The following GNB1L variants were observed in gnomAD, a reference collection of about 807,000 sequenced individuals.
The protein encoded by GNB1L is G protein subunit beta 1 like.
A neutral mutation model predicts 29.1 loss-of-function variants in GNB1L; 20 were observed. The ratio of observed to expected loss-of-function variants is 0.69; its 90% CI spans 0.48 to 1.00. The LOEUF (loss-of-function observed/expected upper bound fraction) is 1.00. Ranked by LOEUF, GNB1L falls within the 50% of genes least tolerant of loss-of-function variation. The pLI is 0.00. For missense variants in GNB1L, 421 were observed against 464.9 expected (o/e 0.91, Z 0.87); for synonymous variants, 193 against 206.5 (o/e 0.93, Z 0.56).
chr22:19,805,108 C>T (rs1409280167), intron 6 of GNB1L, among the ~76,000 whole-genome samples: 2 of 151,944 alleles, frequency 1.3e-5, no homozygotes, highest in East Asian at 2.0e-4. Context: ...CGAGTTTCAT[C>T]ATCTCAGGTG....
At chr22:19,789,774 T>C (rs867562936) in intron 7 of GNB1L, among the ~76,000 whole-genome samples, 14 of 147,940 alleles carry the variant, frequency 9.5e-5, no homozygotes, top group African/African-American at 3.0e-4. Context: ...GGATGGAGGC[T>C]GCAGTGAGCT....
At chr22:19,797,822 C>T (rs910685060) in intron 7 of GNB1L, among the ~76,000 whole-genome samples, 4 of 152,210 alleles carry the variant, frequency 2.6e-5, no homozygotes, top group African/African-American at 9.6e-5. Flanking sequence ...ACGGACTTAC[C>T]AAGGCCTGCA....
chr22:19,843,337 G>A (rs1466517977), intron 2 of GNB1L, among the ~76,000 whole-genome samples: 6 of 152,250 alleles, frequency 3.9e-5, no homozygotes, highest in South Asian at 2.1e-4. Flanking sequence ...CTTTGGAAGC[G>A]CCCAGGCGGG....
rs139412703 is a variant in GNB1L at position 19,821,822 on chromosome 22, G to C, written c.-20-447C>G. Among the ~76,000 whole-genome samples, 156 of 152,316 alleles carry C rather than the reference G, an allele frequency of 1.0e-3. 5 individuals are homozygous for C. In the East Asian group the frequency reaches 0.019, roughly 19 times the overall value. On this transcript the variant is annotated intron_variant, in intron 2 of 7. Coordinates refer to ENST00000329517, the MANE Select transcript of GNB1L (RefSeq NM_053004.3). ...GCCCTCTGGCTCCCCAGATCCCAGG[G>C]GCCACACCAGTGCTTTCCCACTCTG...
intron 2 of GNB1L, among the ~76,000 whole-genome samples, chr22:19,824,900 A>C (rs1336903798): frequency 6.6e-6 from 1 of 152,184 alleles, no homozygotes; most frequent in Non-Finnish European, 1.5e-5. Flanking sequence ...CTGGGGGTTC[A>C]TGCCAGACAG....
At chr22:19,840,450 A>G (rs1221926095) in intron 2 of GNB1L, among the ~76,000 whole-genome samples, 1 of 152,222 alleles carries the variant, frequency 6.6e-6, no homozygotes, top group Non-Finnish European at 1.5e-5. Flanking sequence ...CACCTCCGCC[A>G]GGTGATGACG....
rs1323996591 is a variant in GNB1L at position 19,783,860 on chromosome 22, G to A, written c.*4849C>T. ...ATAAAAGCTGATGCGTGGGAGCCAA[G>A]CCACAGCTCGCTGACCTGGGGAAGC... is the stretch of plus-strand genomic sequence containing the variant. On this transcript the variant is annotated 3_prime_UTR_variant, in exon 8 of 8. Coordinates refer to ENST00000329517, the MANE Select transcript of GNB1L (RefSeq NM_053004.3). 1 of 152,342 alleles carries A rather than the reference G, an allele frequency of 6.6e-6. No homozygotes were observed. Among genetic ancestry groups the A allele is most frequent in the Non-Finnish European group, 1.5e-5 (1 of 68,110 alleles). 9.4% of individuals were successfully genotyped at this position (152,342 alleles called of 1,614,324 possible).
chr22:19,852,364 AGGGC>A, intron 2 of GNB1L: 2 of 1,294,972 alleles, frequency 1.5e-6, no homozygotes, highest in Non-Finnish European at 2.1e-6. Context: ...ATGGCTGAAC[AGGGC>A]GTGGCAGACC....
rs141316334 is a variant in GNB1L at position 19,847,862 on chromosome 22, A to G, written c.-21+6581T>C. 2.5e-4 allele frequency: 241 copies of G among 949,174 alleles called. 1 individual carries two copies. The African/African-American group carries it at 3.7e-3, about 15-fold the overall frequency. The allele number at this position is 949,174 out of a possible 1,614,324, so 58.8% of individuals were successfully genotyped here. ...TTTCCTCTAGTACTTTCATAATTGT[A>G]ACATTGAAATCTTTAATCTGGAATA... On this transcript the variant is annotated intron_variant, in intron 2 of 7. Coordinates refer to ENST00000329517, the MANE Select transcript of GNB1L (RefSeq NM_053004.3).
At position 19,800,794 on chromosome 22, in the gene GNB1L, C is replaced by T. The variant is rs1006387943; in HGVS notation, c.732+1207G>A. On this transcript the variant is annotated intron_variant, in intron 7 of 7. Transcript: ENST00000329517. ...TGATGCCCACAGGGCACTGGGGCCG[C>T]TCACAGAACCCTGCCCCTCTGTGTA... is the stretch of plus-strand genomic sequence containing the variant. 2.6e-5 allele frequency among the ~76,000 whole-genome samples: 4 copies of T among 152,344 alleles called. No individual in the cohort carries two copies. In the South Asian group the frequency reaches 8.3e-4, roughly 32 times the overall value.
intron 4 of GNB1L, among the ~76,000 whole-genome samples, chr22:19,815,199 C>G (rs1937519762): frequency 6.6e-6 from 1 of 152,192 alleles, no homozygotes; most frequent in Non-Finnish European, 1.5e-5. Context: ...TATTATCATG[C>G]ACCATGCTCT....
At chr22:19,836,320 C>T (rs1937764225) in intron 2 of GNB1L, among the ~76,000 whole-genome samples, 1 of 151,828 alleles carries the variant, frequency 6.6e-6, no homozygotes, top group Non-Finnish European at 1.5e-5. Context: ...AAGACACAGA[C>T]TATGTGAAGA....
Position 19,795,500 on chromosome 22 carries a change from T to C in GNB1L, c.732+6501A>G, listed in dbSNP as rs966964415. ...GTGGTGCACTCCCCGAGACACGCCA[T>C]GTGCTGGGCCAAAAGCAAGCCTCCA... is the stretch of plus-strand genomic sequence containing the variant. On this transcript the variant is annotated intron_variant, in intron 7 of 7. Coordinates refer to ENST00000329517, the MANE Select transcript of GNB1L (RefSeq NM_053004.3). 3.3e-5 allele frequency among the ~76,000 whole-genome samples: 5 copies of C among 152,046 alleles called. No individual in the cohort carries two copies. The East Asian group carries it at 9.7e-4, about 29-fold the overall frequency.
At chr22:19,806,626 G>T in intron 6 of GNB1L, 33 bp downstream of exon 6, 1 of 1,374,436 alleles carries the variant, frequency 7.3e-7, no homozygotes, top group Non-Finnish European at 1.0e-6. Context: ...GGGTGTGGCC[G>T]GCAGGGCGTG....
chr22:19,847,832 C>T (rs1938001531), intron 2 of GNB1L: 1 of 705,948 alleles, frequency 1.4e-6, no homozygotes, highest in African/African-American at 3.3e-5. Context: ...AAAATTCACC[C>T]ATATTTTCCT....
intron 7 of GNB1L, among the ~76,000 whole-genome samples, chr22:19,796,454 G>T (rs987478183): frequency 1.3e-5 from 2 of 152,156 alleles, no homozygotes; most frequent in African/African-American, 4.8e-5. Flanking sequence ...AAAACTGGAC[G>T]GCCCCGCATT....
Position 19,801,988 on chromosome 22 carries a change from C to T in GNB1L, c.732+13G>A, listed in dbSNP as rs779421335. On this transcript the variant is annotated intron_variant, in intron 7 of 7. Transcript: ENST00000329517. ...GAGCAGGATAAATGAGACCCGGGGC[C>T]TGGCGCACTGACCTGCAGGGCCTGC... is the stretch of plus-strand genomic sequence containing the variant. 1.3e-6 allele frequency: 2 copies of T among 1,563,364 alleles called. No homozygotes were observed. The highest frequency in any genetic ancestry group is 1.9e-4 in the Middle Eastern group (1 of 5,288).
In GNB1L at chr22:19,802,140, T is replaced by C; in HGVS notation, c.593A>G (p.Gln198Arg). ...GCAGGCGATGCGGCTGCACACCTTCTGCTCAGAGACGTCCCACAGGACCAC... is the reference window on the plus strand; with the variant it reads ...GCAGGCGATGCGGCTGCACACCTTCCGCTCAGAGACGTCCCACAGGACCAC... Reference protein sequence around the residue: ...GSVVLWDVSEQKVCSRIACHE... With the variant: ...GSVVLWDVSERKVCSRIACHE... The change falls in exon 7 of 8, where the codon CAG becomes CGG. Residue 198 changes from glutamine (Q) to arginine (R), a missense_variant. Gln to Arg is a conservative substitution (Grantham distance 43). Transcript: ENST00000329517. 1.9e-6 allele frequency: 3 copies of C among 1,613,326 alleles called. No homozygotes were observed. The highest frequency in any genetic ancestry group is 1.1e-5 in the South Asian group (1 of 91,086).
intron 7 of GNB1L, among the ~76,000 whole-genome samples, chr22:19,800,033 A>G (rs972302016): frequency 2.6e-5 from 4 of 152,208 alleles, no homozygotes; most frequent in Admixed American, 2.6e-4. Context: ...GATGTGCACC[A>G]TGGGCCGATG....
Sources: gnomAD v4.1 joint callset for allele counts (sites outside exome capture counted in the v4.1 genomes callset) on GRCh38, gnomAD v4.1.1 for gene constraint, MANE v1.5 for transcripts, NCBI Gene and HGNC (gene_info 2026-07-23, HGNC 2026-07-21) for gene names.